The following SLC24A1 variants were observed in gnomAD, a reference collection of about 807,000 sequenced individuals.
SLC24A1 encodes the protein sodium/potassium/calcium exchanger 1.
In SLC24A1, 52 loss-of-function variants were observed where a neutral mutation model predicts 88.1. The observed-to-expected ratio is 0.59, with a 90% CI of 0.47 to 0.74. The LOEUF is 0.74. SLC24A1 is among the 30% of genes least tolerant of loss of function. The pLI, the probability that SLC24A1 is intolerant of heterozygous loss-of-function variation, is 0.00. For synonymous variants in SLC24A1, 455 were observed against 498.0 expected, an observed-to-expected ratio of 0.91 and a Z score of 1.15; for missense variants, 1,173 against 1,363.3, an observed-to-expected ratio of 0.86 and a Z score of 2.20.
chr15:65,611,971 C>T (rs1388894638), intron 1 of SLC24A1: 3 of 152,288 alleles, frequency 2.0e-5, no homozygotes, highest in African/African-American at 7.2e-5. Context: ...TCTTGGTCTC[C>T]TCAGCCCAAA....
At chr15:65,628,428 G>T (rs1279306392) in intron 2 of SLC24A1, among the ~76,000 whole-genome samples, 2 of 152,200 alleles carry the variant, frequency 1.3e-5, no homozygotes, top group African/African-American at 4.8e-5. Flanking sequence ...AGTTCCATAA[G>T]TATTTAGTTC....
At chr15:65,611,389 T>C (rs2073946107), upstream of SLC24A1, 3 of 595,700 alleles carry the variant, frequency 5.0e-6, no homozygotes, top group East Asian at 8.4e-5. Flanking sequence ...CTGGGTTTCC[T>C]GCCGTGTCTC....
rs1440084257 is a variant in SLC24A1 at position 65,654,129 on chromosome 15, G to A, written c.*50G>A. On this transcript the variant is annotated 3_prime_UTR_variant, in exon 10 of 10. Transcript: ENST00000261892. Reference sequence around the variant, plus strand: ...GCATGGATCAGAAGACCATGCAGAAGTTACTGTATCTCTTGTGACCCTAAT... The same window carrying A: ...GCATGGATCAGAAGACCATGCAGAAATTACTGTATCTCTTGTGACCCTAAT... The A allele has an allele frequency of 1.3e-5, 20 of 1,581,722 alleles. No homozygotes were observed. The highest frequency in any genetic ancestry group is 1.5e-5 in the Non-Finnish European group (17 of 1,163,280).
At chr15:65,660,112 C>T, downstream of SLC24A1, 1 of 536,496 alleles carries the variant, frequency 1.9e-6, no homozygotes, top group Non-Finnish European at 3.3e-6. Flanking sequence ...ACATGAAGAA[C>T]AAGTAGAACA....
downstream of SLC24A1, chr15:65,658,353 C>T (rs1057273091): frequency 2.6e-5 from 4 of 152,172 alleles, no homozygotes; most frequent in East Asian, 1.9e-4. Context: ...AACTTTAGCA[C>T]GAAGGACAAG....
In SLC24A1 at chr15:65,624,815, C is replaced by T. The variant is rs1369955720; in HGVS notation, c.735C>T (p.Thr245=). Residue 245 remains threonine, a synonymous_variant, in exon 2 of 10, where the codon ACC becomes ACT. Coordinates refer to ENST00000261892, the MANE Select transcript of SLC24A1 (RefSeq NM_004727.3). Reference sequence around the variant, plus strand: ...TTAAGAGAATAATGGAGGAAACCACCCCAACCACTCTCAAGGGAATGTTTG... The same window carrying T: ...TTAAGAGAATAATGGAGGAAACCACTCCAACCACTCTCAAGGGAATGTTTG... ...NSLKRIMEET[T]PTTLKGMFDS... The T allele has an allele frequency of 1.7e-5, 28 of 1,613,880 alleles. No individual in the cohort carries two copies. Among genetic ancestry groups the T allele is most frequent in the Non-Finnish European group, 2.2e-5 (26 of 1,179,890 alleles).
intron 4 of SLC24A1, chr15:65,643,052 T>TTGC (rs1566959888): frequency 1.6e-6 from 2 of 1,264,798 alleles, no homozygotes; most frequent in Admixed American, 4.6e-5. Flanking sequence ...GTTTTCATCA[T>TTGC]TGTTGTTGTT....
chr15:65,652,518 A>G, intron 8 of SLC24A1, 124 bp from the exon 9 acceptor site: 2 of 792,072 alleles, frequency 2.5e-6, no homozygotes, highest in Non-Finnish European at 4.1e-6. Context: ...ACCCTTCCTC[A>G]CTCAGGCTGA....
intron 2 of SLC24A1, among the ~76,000 whole-genome samples, chr15:65,613,488 G>GTGTGTGTGTGTGTGTGTGTGTGTGTA (rs1158763263): frequency 1.1e-4 from 17 of 151,740 alleles, no homozygotes; most frequent in African/African-American, 4.1e-4. Flanking sequence ...TTTTGTGTGT[G>GTGTGTGTGTGTGTGTGTGTGTGTGTA]TGTGTGTGTG....
downstream of SLC24A1, chr15:65,660,115 G>A: frequency 1.8e-6 from 1 of 542,816 alleles, no homozygotes; most frequent in Non-Finnish European, 3.3e-6. Flanking sequence ...TGAAGAACAA[G>A]TAGAACATGA....
Position 65,650,852 on chromosome 15 carries a change from G to C in SLC24A1, c.2703G>C (p.Trp901Cys). Residue 901 changes from tryptophan to cysteine, a missense_variant, in exon 7 of 10, where the codon TGG becomes TGC. Physicochemically the swap from Trp to Cys is radical, Grantham distance 215. Coordinates refer to ENST00000261892, the MANE Select transcript of SLC24A1 (RefSeq NM_004727.3). This position sits in a 1 kb window ranked among gnomAD's most constrained non-coding sequence, Gnocchi z 4.1. ...ATGAAGAGCCTCTGTCCCTGGACTG[G>C]CCTGAAACCAGGCAGAAGCAGGCCA... ...KGNEEPLSLD[W>C]PETRQKQAIY... is the part of the protein sequence containing the mutation. The C allele has an allele frequency of 6.2e-7, 1 of 1,613,904 alleles. No individual in the cohort carries two copies. The highest frequency in any genetic ancestry group is 8.5e-7 in the Non-Finnish European group (1 of 1,179,878).
intron 3 of SLC24A1, 128 bp downstream of exon 3, chr15:65,638,309 C>T (rs979499874): frequency 3.1e-5 from 21 of 684,718 alleles, no homozygotes; most frequent in East Asian, 8.4e-5. Flanking sequence ...CTCCTGGGAG[C>T]GCTGCCAGGG....
rs2141705001 is a variant in SLC24A1 at position 65,650,318 on chromosome 15, G to A, written c.2233-64G>A. 6 of 1,350,368 alleles carry A rather than the reference G, an allele frequency of 4.4e-6. No individual in the cohort carries two copies. The East Asian group carries it at 1.5e-4, about 34-fold the overall frequency. The allele number at this position is 1,350,368 out of a possible 1,614,324, so 83.6% of individuals were successfully genotyped here. A position where few individuals can be genotyped will look rare whatever the true frequency, so the allele number is the denominator to read the frequency against. On this transcript the variant is annotated intron_variant, in intron 6 of 9. Coordinates refer to ENST00000261892, the MANE Select transcript of SLC24A1 (RefSeq NM_004727.3). This position sits in a 1 kb window ranked among gnomAD's most constrained non-coding sequence, Gnocchi z 4.1. ...GAAGCACGCCAACAAAAAAATGGGG[G>A]AGTAACATAAGGAAAACAAGCAGAG...
chr15:65,613,656 T>G (rs530072760), intron 2 of SLC24A1, among the ~76,000 whole-genome samples: 47 of 152,092 alleles, frequency 3.1e-4, no homozygotes, highest in Non-Finnish European at 6.0e-4. Flanking sequence ...GGCTAATTTT[T>G]AAATTTTTTG....
At chr15:65,659,731 ATATTCCC>A (rs1288793386), downstream of SLC24A1, 12 of 153,290 alleles carry the variant, frequency 7.8e-5, no homozygotes, top group South Asian at 2.2e-3. Context: ...CTGTGCAATA[ATATTCCC>A]TAGGGATTAA....
downstream of SLC24A1, chr15:65,658,220 T>C (rs2075745489): frequency 6.6e-6 from 1 of 152,198 alleles, no homozygotes; most frequent in Admixed American, 6.5e-5. Context: ...AGCAAGGTAG[T>C]ATGAGGATGT....
chr15:65,621,484 T>A (rs1265653440), upstream of SLC24A1, among the ~76,000 whole-genome samples: 1 of 152,222 alleles, frequency 6.6e-6, no homozygotes, highest in Non-Finnish European at 1.5e-5. Context: ...CTCTATAATC[T>A]TTGTTTTTTA....
At chr15:65,660,324 G>A (rs907731198), downstream of SLC24A1, 6 of 1,533,788 alleles carry the variant, frequency 3.9e-6, no homozygotes, top group East Asian at 1.5e-4. Flanking sequence ...TTCACTAATG[G>A]TGTGAACTCA....
chr15:65,637,263 C>T (rs2074971741), intron 2 of SLC24A1, among the ~76,000 whole-genome samples: 1 of 151,150 alleles, frequency 6.6e-6, no homozygotes, highest in East Asian at 2.0e-4. Flanking sequence ...TTTCCCAAAA[C>T]ACTAGCACTT....
Sources: gnomAD v4.1 joint callset for allele counts (sites outside exome capture counted in the v4.1 genomes callset) on GRCh38, gnomAD v4.1.1 for gene constraint, Gnocchi (gnomAD v3.1) non-coding constraint, MANE v1.5 for transcripts, NCBI Gene and HGNC (gene_info 2026-07-23, HGNC 2026-07-21) for gene names.